F13B: variants seen among roughly 807,000 people sequenced by gnomAD.
F13B encodes the protein coagulation factor XIII B chain, also known as TGase.
A neutral mutation model predicts 79.8 loss-of-function variants in F13B; 58 were observed. The observed-to-expected ratio is 0.73, with a 90% CI of 0.59 to 0.90. The LOEUF is 0.90. F13B is among the 40% of genes least tolerant of loss of function. F13B has a pLI of 0.00. For missense variants in F13B, 773 were observed against 777.0 expected (o/e 0.99, Z 0.06); for synonymous variants, 283 against 260.3 (o/e 1.09, Z -0.84).
At chr1:197,061,678 A>G (rs1655867907) in intron 3 of F13B, 106 bp downstream of exon 3, 1 of 946,146 alleles carries the variant, frequency 1.1e-6, no homozygotes, top group Non-Finnish European at 1.6e-6. Flanking sequence ...TGTAGACATA[A>G]TGAAAAATAA....
intron 8 of F13B, among the ~76,000 whole-genome samples, chr1:197,053,234 T>C (rs900873961): frequency 1.3e-5 from 2 of 152,076 alleles, no homozygotes; most frequent in Non-Finnish European, 2.9e-5. Flanking sequence ...CTACAATACA[T>C]AATAAATATA....
At chr1:197,056,687 T>C (rs1051457296) in intron 7 of F13B, among the ~76,000 whole-genome samples, 2 of 152,208 alleles carry the variant, frequency 1.3e-5, no homozygotes, top group Admixed American at 6.6e-5. Context: ...TATTTACTTA[T>C]CTAATGAAGC....
intron 1 of F13B, among the ~76,000 whole-genome samples, chr1:197,066,494 G>T (rs991189250): frequency 3.3e-5 from 5 of 152,014 alleles, no homozygotes; most frequent in African/African-American, 1.2e-4. Context: ...TACACATTGG[G>T]CAATCTGACT....
At chr1:197,060,285 C>A in intron 5 of F13B, 81 bp downstream of exon 5, 1 of 1,026,196 alleles carries the variant, frequency 9.7e-7, no homozygotes, top group South Asian at 1.5e-5. Flanking sequence ...TAGATATGAC[C>A]ACAGGAATTT....
At chr1:197,055,551 G>GA (rs563577168) in intron 8 of F13B, among the ~76,000 whole-genome samples, 164 bp downstream of exon 8, 2 of 151,922 alleles carry the variant, frequency 1.3e-5, no homozygotes, top group South Asian at 2.1e-4. Flanking sequence ...TACCACAATA[G>GA]AAAAAATACA....
chr1:197,056,773 C>T (rs1432209736), intron 7 of F13B, among the ~76,000 whole-genome samples: 1 of 152,132 alleles, frequency 6.6e-6, no homozygotes, highest in Non-Finnish European at 1.5e-5. Context: ...GTGCTTAGCA[C>T]TAGCGTTCAA....
rs1341746132 is a variant in F13B, at chr1:197,061,082, T to C, written c.452-7A>G. On this transcript the variant is annotated splice_region_variant and splice_polypyrimidine_tract_variant and intron_variant, in intron 3 of 11. Coordinates refer to ENST00000367412, the MANE Select transcript of F13B (RefSeq NM_001994.3). The stretch of plus-strand genomic sequence containing the variant: ...TCAGGAGCCAAACATGTTTCTAAAA[T>C]TATAAAAATTATTTATTTTATAAAC... 4 of 1,291,932 alleles carry C rather than the reference T, an allele frequency of 3.1e-6. No homozygotes were observed. Among genetic ancestry groups the C allele is most frequent in the Non-Finnish European group, 3.2e-6 (3 of 939,384 alleles). 80.0% of individuals were successfully genotyped at this position (1,291,932 alleles called of 1,614,324 possible).
At chr1:197,048,499 C>CA (rs17549741) in intron 10 of F13B, among the ~76,000 whole-genome samples, 38 of 146,076 alleles carry the variant, frequency 2.6e-4, no homozygotes, top group Non-Finnish European at 4.2e-4. Flanking sequence ...GACCTCAAGG[C>CA]AAAAAAAAAG....
At chr1:197,054,230 T>C (rs578262741) in intron 8 of F13B, among the ~76,000 whole-genome samples, 11 of 152,270 alleles carry the variant, frequency 7.2e-5, no homozygotes, top group African/African-American at 2.6e-4. Context: ...TGTTGTTATT[T>C]CCTTATGAGC....
At position 197,048,050 on chromosome 1, in the gene F13B, G is replaced by T. The variant is rs146082986; in HGVS notation, c.1738+2647C>A. Among the ~76,000 whole-genome samples the T allele has an allele frequency of 7.4e-4, 113 of 151,946 alleles. 1 individual carries two copies. The East Asian group carries it at 0.02, about 27-fold the overall frequency. ...TACCTAATGTAAATGAAGAGTTGAT[G>T]GGTGCAGCAAACCAACATGGCACAT... On this transcript the variant is annotated intron_variant, in intron 10 of 11. Coordinates refer to ENST00000367412, the MANE Select transcript of F13B (RefSeq NM_001994.3).
At chr1:197,041,277 T>A (rs1655027401) in intron 10 of F13B, among the ~76,000 whole-genome samples, 1 of 152,160 alleles carries the variant, frequency 6.6e-6, no homozygotes, top group African/African-American at 2.4e-5. Flanking sequence ...TTAAGAAATA[T>A]CAAGACTGGA....
chr1:197,039,615 A>G (rs1654964621), intron 11 of F13B, among the ~76,000 whole-genome samples: 1 of 152,070 alleles, frequency 6.6e-6, no homozygotes, highest in Non-Finnish European at 1.5e-5. Flanking sequence ...ATGATTTTTT[A>G]AATATTTTCT....
chr1:197,055,895 T>A lies in F13B; in HGVS notation c.1174A>T (p.Asn392Tyr). 6.2e-7 allele frequency: 1 copy of A among 1,613,172 alleles called. No homozygotes were observed. Among genetic ancestry groups the A allele is most frequent in the Non-Finnish European group, 8.5e-7 (1 of 1,179,432 alleles). Residue 392 changes from asparagine to tyrosine, a missense_variant and splice_region_variant, in exon 8 of 12, where the codon AAT (asparagine) becomes TAT (tyrosine). Asn to Tyr is a moderately radical substitution (Grantham distance 143, BLOSUM62 -2). Coordinates refer to ENST00000367412, the MANE Select transcript of F13B (RefSeq NM_001994.3). Reference protein sequence around the residue: ...KWTLPPECVENNENCKHPPVV... With the variant: ...KWTLPPECVEYNENCKHPPVV... ...GGAGGATGCTTACAATTCTCATTATTTTCTAAGAAAAGAGGTTGTTTTAAA... is the reference window on the plus strand; with the variant it reads ...GGAGGATGCTTACAATTCTCATTATATTCTAAGAAAAGAGGTTGTTTTAAA...
At chr1:197,046,143 T>C (rs1215591224) in intron 10 of F13B, among the ~76,000 whole-genome samples, 1 of 152,154 alleles carries the variant, frequency 6.6e-6, no homozygotes, top group African/African-American at 2.4e-5. Flanking sequence ...CTATTCAACA[T>C]AGTGTTGGAA....
intron 9 of F13B, 88 bp downstream of exon 9, chr1:197,052,546 A>G: frequency 2.4e-6 from 2 of 841,378 alleles, no homozygotes; most frequent in Non-Finnish European, 3.7e-6. Context: ...ATAATAAGAA[A>G]AATAGCAACA....
intron 9 of F13B, among the ~76,000 whole-genome samples, chr1:197,052,007 T>C (rs1490888050): frequency 6.6e-6 from 1 of 152,190 alleles, no homozygotes; most frequent in Admixed American, 6.6e-5. Flanking sequence ...TCTTTTGCTG[T>C]GCAGAAGCTC....
intron 9 of F13B, among the ~76,000 whole-genome samples, chr1:197,052,081 G>T (rs964301963): frequency 6.6e-6 from 1 of 151,988 alleles, no homozygotes; most frequent in South Asian, 2.1e-4. Flanking sequence ...TGGCATTTTC[G>T]TCATTAAGTA....
chr1:197,061,621 A>T (rs895170415), intron 3 of F13B, among the ~76,000 whole-genome samples, 163 bp downstream of exon 3: 5 of 152,084 alleles, frequency 3.3e-5, no homozygotes, highest in African/African-American at 1.2e-4. Flanking sequence ...TGGATTAAGG[A>T]ATCACCTAGT....
Position 197,060,895 on chromosome 1 carries a change from C to CT in F13B, c.628+3dup, listed in dbSNP as rs1175320275. 1.2e-5 allele frequency: 20 copies of CT among 1,612,068 alleles called. No individual in the cohort carries two copies. Among genetic ancestry groups the CT allele is most frequent in the Non-Finnish European group, 1.7e-5 (20 of 1,178,646 alleles). ...AGTAGATTTTATTCCAAATGAGAAC[C>CT]TACTGGTACATTTTGGTGTGAGAGA... On this transcript the variant is annotated splice_donor_region_variant and intron_variant, in intron 4 of 11. Transcript: ENST00000367412.
Sources: gnomAD v4.1 joint callset for allele counts (sites outside exome capture counted in the v4.1 genomes callset) on GRCh38, gnomAD v4.1.1 for gene constraint, MANE v1.5 for transcripts, NCBI Gene and HGNC (gene_info 2026-07-23, HGNC 2026-07-21) for gene names.